DIS3L2: variants seen among roughly 807,000 people sequenced by gnomAD.
DIS3L2 encodes the protein DIS3 like 3'-5' exoribonuclease 2, also known as DIS3-like exonuclease 2.
In DIS3L2, 34 loss-of-function variants were observed where a neutral mutation model predicts 97.5. The ratio of observed to expected loss-of-function variants is 0.35; its 90% CI spans 0.27 to 0.46. DIS3L2 has a LOEUF of 0.46. Ranked by LOEUF, DIS3L2 falls within the 20% of genes least tolerant of loss-of-function variation. DIS3L2 has a pLI of 1.00. For synonymous variants in DIS3L2, 435 were observed against 445.2 expected, an observed-to-expected ratio of 0.98 and a Z score of 0.29; for missense variants, 1,038 against 1,146.0, an observed-to-expected ratio of 0.91 and a Z score of 1.36.
At chr2:232,195,297 A>G (rs1691722427) in intron 9 of DIS3L2, among the ~76,000 whole-genome samples, 1 of 152,208 alleles carries the variant, frequency 6.6e-6, no homozygotes, top group African/African-American at 2.4e-5. Context: ...CCCATTGCCC[A>G]GATAGAGCCA....
At chr2:232,222,611 C>T (rs1692535026) in intron 10 of DIS3L2, among the ~76,000 whole-genome samples, 2 of 152,208 alleles carry the variant, frequency 1.3e-5, no homozygotes, top group Admixed American at 1.3e-4. Context: ...GCTGGGACTA[C>T]AGGCACCTGC....
chr2:232,213,661 GTTTTTTTT>G (rs67846645), intron 10 of DIS3L2, among the ~76,000 whole-genome samples: 2 of 80,740 alleles, frequency 2.5e-5, no homozygotes, highest in Non-Finnish European at 4.7e-5. Context: ...ATCATCTGTA[GTTTTTTTT>G]TTTTTTTTTT....
rs750805478 is a variant in DIS3L2, at chr2:232,330,016, C to G, written c.1923+20C>G. Reference sequence around the variant, plus strand: ...CTCAATGTGAGTGGTGGGCAGGATTCGGGGGAGGCCCTGCTTGGGGGAAAG... The same window carrying G: ...CTCAATGTGAGTGGTGGGCAGGATTGGGGGGAGGCCCTGCTTGGGGGAAAG... On this transcript the variant is annotated intron_variant, in intron 15 of 20. Transcript: ENST00000325385. The G allele has an allele frequency of 6.3e-7, 1 of 1,589,892 alleles. No individual in the cohort carries two copies. The highest frequency in any genetic ancestry group is 1.3e-5 in the African/African-American group (1 of 74,202).
chr2:232,196,241 C>T (rs540247409), intron 9 of DIS3L2, among the ~76,000 whole-genome samples: 1 of 152,318 alleles, frequency 6.6e-6, no homozygotes, highest in South Asian at 2.1e-4. Context: ...ACTGGGATTA[C>T]AGGCGTGAAC....
chr2:232,109,772 A>G (rs1029343695), intron 6 of DIS3L2, among the ~76,000 whole-genome samples: 4 of 152,330 alleles, frequency 2.6e-5, no homozygotes, highest in South Asian at 4.1e-4. Context: ...CCTAGAAGAA[A>G]TCCTAGACAA....
chr2:232,318,362 G>A (rs376091811), intron 14 of DIS3L2, among the ~76,000 whole-genome samples: 8 of 152,232 alleles, frequency 5.3e-5, no homozygotes, highest in East Asian at 1.9e-4. Context: ...GACCAGTTTC[G>A]CCAAGTGTTC....
intron 6 of DIS3L2, among the ~76,000 whole-genome samples, chr2:232,114,347 A>G (rs1187061569): frequency 6.6e-6 from 1 of 152,150 alleles, no homozygotes; most frequent in Non-Finnish European, 1.5e-5. Flanking sequence ...CAGATCTGAT[A>G]TAGGACTTAG....
chr2:232,333,129 C>T (rs74901954), intron 16 of DIS3L2, among the ~76,000 whole-genome samples: 2,876 of 150,908 alleles, frequency 0.019, 43 homozygotes, highest in Non-Finnish European at 0.029. Context: ...CCTCGACCAC[C>T]ACCACCTCCT....
chr2:232,320,288 A>C (rs1183542329), intron 14 of DIS3L2, among the ~76,000 whole-genome samples: 1 of 152,178 alleles, frequency 6.6e-6, no homozygotes, highest in Non-Finnish European at 1.5e-5. Context: ...GCCAAACTCA[A>C]CATGCTGTGT....
intron 5 of DIS3L2, among the ~76,000 whole-genome samples, chr2:232,077,997 CTTTCTTTCTTTCTTTCTTTCTTTT>C (rs1696260886): frequency 1.5e-5 from 2 of 131,114 alleles, no homozygotes; most frequent in Non-Finnish European, 1.6e-5. Flanking sequence ...TTCTTTCTTT[CTTTCTTTCTTTCTTTCTTTCTTTT>C]TCTCTTTCTC....
chr2:232,100,827 G>C (rs78892174), intron 6 of DIS3L2, among the ~76,000 whole-genome samples: 1 of 147,050 alleles, frequency 6.8e-6, no homozygotes, highest in Non-Finnish European at 1.5e-5. Flanking sequence ...GTGTGTGTGT[G>C]TGTATATATA....
intron 8 of DIS3L2, among the ~76,000 whole-genome samples, chr2:232,142,573 C>T (rs986217985): frequency 1.3e-5 from 2 of 152,186 alleles, no homozygotes; most frequent in African/African-American, 4.8e-5. Flanking sequence ...CACCAATTCA[C>T]TCTTAAATTT....
intron 1 of DIS3L2, among the ~76,000 whole-genome samples, chr2:231,971,653 A>G (rs1163134645): frequency 6.6e-6 from 1 of 151,716 alleles, no homozygotes; most frequent in Non-Finnish European, 1.5e-5. Flanking sequence ...TCACCGTGTT[A>G]GCCAGGATGG....
At chr2:232,126,621 T>C (rs1256165298) in intron 6 of DIS3L2, among the ~76,000 whole-genome samples, 2 of 152,228 alleles carry the variant, frequency 1.3e-5, no homozygotes, top group African/African-American at 4.8e-5. Context: ...CCCCAGAATC[T>C]TGTTGCCTAA....
intron 8 of DIS3L2, among the ~76,000 whole-genome samples, chr2:232,160,016 T>C (rs1371770538): frequency 6.6e-6 from 1 of 152,220 alleles, no homozygotes; most frequent in Non-Finnish European, 1.5e-5. Flanking sequence ...GTAAGAAGTT[T>C]TAAATTTTCT....
In DIS3L2 at chr2:232,158,808, T is replaced by A. The variant is rs560025467; in HGVS notation, c.951-4651T>A. ...GAGAATAATAAATGAGTTAGATGGG[T>A]TGGAAGTAACTCAGATTCCATTAAT... On this transcript the variant is annotated intron_variant, in intron 8 of 20. Transcript: ENST00000325385. Among the ~76,000 whole-genome samples the A allele has an allele frequency of 2.9e-3, 434 of 152,242 alleles. 1 individual carries two copies. Among genetic ancestry groups the A allele is most frequent in the Non-Finnish European group, 4.7e-3 (323 of 68,000 alleles).
At chr2:232,114,782 A>G (rs1697649672) in intron 6 of DIS3L2, among the ~76,000 whole-genome samples, 1 of 152,236 alleles carries the variant, frequency 6.6e-6, no homozygotes, top group Non-Finnish European at 1.5e-5. Flanking sequence ...AAGAAAACCT[A>G]GAAGAAAAGT....
At chr2:232,329,614 A>C (rs1438808062) in intron 14 of DIS3L2, 199 bp from the exon 15 acceptor site, 1 of 502,474 alleles carries the variant, frequency 2.0e-6, no homozygotes, top group Non-Finnish European at 3.4e-6. Context: ...GTGTAGACCA[A>C]CTGGTGCAGG....
At chr2:232,330,578 A>G (rs1695705758) in intron 15 of DIS3L2, 112 bp from the exon 16 acceptor site, 1 of 1,107,866 alleles carries the variant, frequency 9.0e-7, no homozygotes, top group Non-Finnish European at 1.4e-6. Context: ...TGAGCCCCAC[A>G]GGCAACTCCT....
Sources: gnomAD v4.1 joint callset for allele counts (sites outside exome capture counted in the v4.1 genomes callset) on GRCh38, gnomAD v4.1.1 for gene constraint, MANE v1.5 for transcripts, NCBI Gene and HGNC (gene_info 2026-07-23, HGNC 2026-07-21) for gene names.